SKAP2: variants seen among roughly 807,000 people sequenced by gnomAD.
The protein encoded by SKAP2 is src kinase associated phosphoprotein 2, also known as src kinase-associated phosphoprotein 2.
A neutral mutation model predicts 54.9 loss-of-function variants in SKAP2; 28 were observed. The ratio of observed to expected loss-of-function variants is 0.51; its 90% confidence interval spans 0.38 to 0.70. The LOEUF (loss-of-function observed/expected upper bound fraction) is 0.70, where lower values mean the gene tolerates loss of function less well. Ranked by LOEUF, SKAP2 falls within the 30% of genes least tolerant of loss-of-function variation. The pLI is 0.00. For missense variants in SKAP2, 356 were observed against 424.1 expected (o/e 0.84, Z 1.41); for synonymous variants, 137 against 134.3 (o/e 1.02, Z -0.14).
At chr7:26,846,840 G>A (rs1784932477) in intron 3 of SKAP2, among the ~76,000 whole-genome samples, 1 of 152,172 alleles carries the variant, frequency 6.6e-6, no homozygotes, top group African/African-American at 2.4e-5. Flanking sequence ...AGTTAGCCGG[G>A]CATGATGGCA....
At chr7:26,770,526 T>A (rs374240748) in intron 4 of SKAP2, among the ~76,000 whole-genome samples, 18 of 152,222 alleles carry the variant, frequency 1.2e-4, no homozygotes, top group Admixed American at 5.2e-4. Context: ...CACAGCTAGC[T>A]CGGTGTCTGC....
intron 4 of SKAP2, among the ~76,000 whole-genome samples, chr7:26,824,731 C>T (rs1007633273): frequency 2.0e-5 from 3 of 152,184 alleles, no homozygotes; most frequent in Non-Finnish European, 4.4e-5. Context: ...AGCATGAACA[C>T]AGCCATAGAC....
intron 11 of SKAP2, 47 bp downstream of exon 11, chr7:26,684,689 G>A (rs1330848295): frequency 8.5e-7 from 1 of 1,174,214 alleles, no homozygotes; most frequent in Non-Finnish European, 1.3e-6. Flanking sequence ...TAAAAATCGA[G>A]CTTTGTATTC....
chr7:26,715,432 C>A (rs1050053930), intron 9 of SKAP2, among the ~76,000 whole-genome samples: 1 of 151,250 alleles, frequency 6.6e-6, no homozygotes, highest in African/African-American at 2.5e-5. Flanking sequence ...GATTTTATAG[C>A]CTTTATAGTT....
chr7:26,749,745 C>CAATAATAAT (rs68049436), intron 4 of SKAP2, among the ~76,000 whole-genome samples: 83 of 144,752 alleles, frequency 5.7e-4, no homozygotes, highest in Non-Finnish European at 8.7e-4. Context: ...CAAATAATAA[C>CAATAATAAT]AATAATAATA....
chr7:26,741,758 T>C (rs1001002061), intron 4 of SKAP2, among the ~76,000 whole-genome samples: 2 of 151,208 alleles, frequency 1.3e-5, no homozygotes, highest in African/African-American at 4.9e-5. Flanking sequence ...AAATTAAAAA[T>C]TAAAAAAAAG....
At position 26,857,564 on chromosome 7, in the gene SKAP2, G is replaced by A. The variant is rs550120167; in HGVS notation, c.68-2674C>T. On this transcript the variant is annotated intron_variant, in intron 1 of 12. Coordinates refer to ENST00000345317, the MANE Select transcript of SKAP2 (RefSeq NM_003930.5). ...AACACACCGATCCTGATCTCGCAAC[G>A]CAAAGACAGACCAAGCGCCGCAAAG... 3 of 985,398 alleles carry A rather than the reference G, an allele frequency of 3.0e-6. No homozygotes were observed. In the African/African-American group the frequency reaches 5.2e-5, roughly 17 times the overall value. The allele number at this position is 985,398 out of a possible 1,614,324, so 61.0% of individuals were successfully genotyped here. A position where few individuals can be genotyped will look rare whatever the true frequency, so the allele number is the denominator to read the frequency against.
intron 4 of SKAP2, among the ~76,000 whole-genome samples, chr7:26,828,792 C>A (rs193284137): frequency 6.6e-6 from 1 of 151,692 alleles, no homozygotes; most frequent in Non-Finnish European, 1.5e-5. Flanking sequence ...TTTAGGAGGC[C>A]GGGGTGGGCA....
intron 4 of SKAP2, among the ~76,000 whole-genome samples, chr7:26,836,196 G>A (rs1584418468): frequency 6.6e-6 from 1 of 152,266 alleles, no homozygotes; most frequent in East Asian, 1.9e-4. Flanking sequence ...ATTAACTCAA[G>A]TTGGATTAAA....
At chr7:26,798,036 T>C (rs1584395552) in intron 4 of SKAP2, among the ~76,000 whole-genome samples, 2 of 151,590 alleles carry the variant, frequency 1.3e-5, no homozygotes, top group African/African-American at 4.8e-5. Context: ...ATAATAATAA[T>C]AACAGAGAAC....
At chr7:26,853,168 T>G (rs1785083001) in intron 3 of SKAP2, among the ~76,000 whole-genome samples, 1 of 152,180 alleles carries the variant, frequency 6.6e-6, no homozygotes, top group Non-Finnish European at 1.5e-5. Flanking sequence ...ATTTTAGGTT[T>G]GTCTGGTTAA....
intron 9 of SKAP2, among the ~76,000 whole-genome samples, chr7:26,692,195 G>GC (rs1562577279): frequency 6.7e-5 from 6 of 89,790 alleles, no homozygotes; most frequent in African/African-American, 4.0e-4. Context: ...GAGGAATGAG[G>GC]GGGGGGAAAA....
chr7:26,786,414 A>G (rs759077680), intron 4 of SKAP2, among the ~76,000 whole-genome samples: 7 of 152,210 alleles, frequency 4.6e-5, no homozygotes, highest in Non-Finnish European at 1.0e-4. Flanking sequence ...AAAACAGGCT[A>G]ATGGGATGGA....
intron 10 of SKAP2, among the ~76,000 whole-genome samples, chr7:26,686,561 A>AGCTG (rs2127938051): frequency 6.6e-6 from 1 of 152,358 alleles, no homozygotes; most frequent in South Asian, 2.1e-4. Flanking sequence ...AGGGCACTGC[A>AGCTG]GCTGGCCAGA....
At chr7:26,728,066 G>T (rs907909287) in intron 6 of SKAP2, among the ~76,000 whole-genome samples, 1 of 151,988 alleles carries the variant, frequency 6.6e-6, no homozygotes, top group Non-Finnish European at 1.5e-5. Flanking sequence ...ATTATATCTT[G>T]TTCAAAATAT....
chr7:26,767,270 T>A (rs1461608506), intron 4 of SKAP2, among the ~76,000 whole-genome samples: 1 of 152,202 alleles, frequency 6.6e-6, no homozygotes, highest in Non-Finnish European at 1.5e-5. Flanking sequence ...GTGTTTATAG[T>A]ATTCTCTGAC....
chr7:26,763,492 T>C (rs1039434583), intron 4 of SKAP2, among the ~76,000 whole-genome samples: 17 of 152,338 alleles, frequency 1.1e-4, no homozygotes, highest in African/African-American at 4.1e-4. Context: ...TAAGGTGTTA[T>C]CTGCCATATT....
chr7:26,678,930 GTA>G (rs1786420955), intron 11 of SKAP2, among the ~76,000 whole-genome samples: 1 of 152,178 alleles, frequency 6.6e-6, no homozygotes, highest in South Asian at 2.1e-4. Context: ...AAGAGTGAAA[GTA>G]TGCTATACAC....
chr7:26,802,023 C>T (rs1783925298), intron 4 of SKAP2, among the ~76,000 whole-genome samples: 1 of 151,996 alleles, frequency 6.6e-6, no homozygotes, highest in Admixed American at 6.6e-5. Flanking sequence ...TACATGGAAC[C>T]ACAAAAGACT....
Sources: allele counts gnomAD v4.1 joint callset (sites outside exome capture counted in the v4.1 genomes callset), GRCh38; gene constraint gnomAD v4.1.1; transcripts MANE v1.5; gene names NCBI Gene and HGNC (gene_info 2026-07-23, HGNC 2026-07-21).